Variants in PCDH9 observed in about 807,000 individuals in gnomAD.
The protein encoded by PCDH9 is protocadherin 9, also known as protocadherin-9.
Under a neutral mutation model 70.6 loss-of-function variants are expected in PCDH9, and 24 were observed. The observed-to-expected ratio is 0.34, with a 90% CI of 0.25 to 0.48. The LOEUF is 0.48. PCDH9 is among the 20% of genes least tolerant of loss of function. PCDH9 has a pLI of 0.99. For synonymous variants in PCDH9, 562 were observed against 558.5 expected (o/e 1.01, Z -0.09); for missense variants, 1,281 against 1,503.6 (o/e 0.85, Z 2.45).
At chr13:67,095,156 T>C (rs1462577150) in intron 2 of PCDH9, among the ~76,000 whole-genome samples, 1 of 152,176 alleles carries the variant, frequency 6.6e-6, no homozygotes, top group East Asian at 1.9e-4. Context: ...GGCATTAGTC[T>C]TTGGATTGTG....
In PCDH9 at chr13:67,000,583, C is replaced by CA. The variant is rs1566353749; in HGVS notation, c.3037-96979_3037-96978insT. Among the ~76,000 whole-genome samples, 418 of 150,482 alleles carry CA rather than the reference C, an allele frequency of 2.8e-3. 2 individuals carry two copies. The highest frequency in any genetic ancestry group is 9.0e-3 in the African/African-American group (369 of 41,072). On this transcript the variant is annotated intron_variant, in intron 2 of 4. Coordinates refer to ENST00000377865, the MANE Select transcript of PCDH9 (RefSeq NM_203487.3). ...GATACAAAATAAATTTACAAAAATTCGAAAAAAAGAAAAAAGTTTTTATAC... is the reference window on the plus strand; with the variant it reads ...GATACAAAATAAATTTACAAAAATTCAGAAAAAAAGAAAAAAGTTTTTATAC...
intron 4 of PCDH9, among the ~76,000 whole-genome samples, chr13:66,622,742 C>A (rs2077442260): frequency 6.6e-6 from 1 of 152,106 alleles, no homozygotes; most frequent in South Asian, 2.1e-4. Context: ...TGGGTGGGGC[C>A]AGATAAGAGA....
At chr13:66,353,699 T>G (rs984390811) in intron 4 of PCDH9, among the ~76,000 whole-genome samples, 11 of 150,330 alleles carry the variant, frequency 7.3e-5, no homozygotes, top group African/African-American at 2.4e-4. Flanking sequence ...TTTTATACAA[T>G]TTTTTTTTCA....
chr13:66,743,550 A>T lies in PCDH9; in HGVS notation c.3139-112139T>A, dbSNP rs1454066203. On this transcript the variant is annotated intron_variant, in intron 3 of 4. Transcript: ENST00000377865. The stretch of plus-strand genomic sequence containing the variant: ...AAAGGATACAAAATTTCAATTAGAC[A>T]GGAGGAATAAGGCCAAGAGATCTAT... Among the ~76,000 whole-genome samples the T allele has an allele frequency of 2.0e-5, 3 of 152,172 alleles. No homozygotes were observed. The East Asian group carries it at 5.8e-4, about 29-fold the overall frequency.
chr13:66,469,634 T>C (rs1958579689), intron 4 of PCDH9, among the ~76,000 whole-genome samples: 2 of 152,146 alleles, frequency 1.3e-5, no homozygotes, highest in South Asian at 4.1e-4. Flanking sequence ...ACAGCGTGTT[T>C]TAATTATATT....
chr13:66,407,721 A>G (rs977234403), intron 4 of PCDH9, among the ~76,000 whole-genome samples: 2 of 152,194 alleles, frequency 1.3e-5, no homozygotes, highest in African/African-American at 2.4e-5. Context: ...TATGTTGAGC[A>G]TTTAACATAA....
chr13:66,486,462 C>G (rs75465839), intron 4 of PCDH9, among the ~76,000 whole-genome samples: 5 of 129,778 alleles, frequency 3.9e-5, no homozygotes, highest in Admixed American at 8.0e-5. Flanking sequence ...GTCCCCCCCC[C>G]ACAAAAAAAT....
At chr13:66,759,548 G>C (rs1312374724) in intron 3 of PCDH9, among the ~76,000 whole-genome samples, 2 of 152,026 alleles carry the variant, frequency 1.3e-5, no homozygotes, top group Admixed American at 6.6e-5. Flanking sequence ...AGTTATTTTA[G>C]AGATCTTTTT....
At chr13:67,059,609 C>T (rs1008160389) in intron 2 of PCDH9, among the ~76,000 whole-genome samples, 15 of 151,294 alleles carry the variant, frequency 9.9e-5, no homozygotes, top group African/African-American at 2.9e-4. Context: ...CAGGCACATA[C>T]GGCTCAAGTG....
chr13:67,108,585 T>A (rs537888370), intron 2 of PCDH9, among the ~76,000 whole-genome samples: 4 of 152,338 alleles, frequency 2.6e-5, no homozygotes, highest in Admixed American at 2.6e-4. Flanking sequence ...ATCATTAGTA[T>A]TGCATGGCAT....
intron 3 of PCDH9, among the ~76,000 whole-genome samples, chr13:66,670,042 C>T (rs1178602054): frequency 6.6e-6 from 1 of 152,132 alleles, no homozygotes; most frequent in East Asian, 1.9e-4. Flanking sequence ...TATAAACTAA[C>T]TCTGATCCTC....
chr13:67,078,153 C>T (rs1469065158), intron 2 of PCDH9, among the ~76,000 whole-genome samples: 2 of 152,156 alleles, frequency 1.3e-5, no homozygotes, highest in Non-Finnish European at 2.9e-5. Context: ...TGGCCATTGT[C>T]TTCAGTGGCC....
chr13:66,413,513 C>T (rs1027504538), intron 4 of PCDH9, among the ~76,000 whole-genome samples: 5 of 151,730 alleles, frequency 3.3e-5, no homozygotes, highest in Admixed American at 6.6e-5. Context: ...GGTGAAACCC[C>T]GTCTCTACCA....
At chr13:66,878,280 G>GT (rs2081855591) in intron 3 of PCDH9, among the ~76,000 whole-genome samples, 1 of 152,032 alleles carries the variant, frequency 6.6e-6, no homozygotes, top group Admixed American at 6.6e-5. Context: ...AGGCTGGAGT[G>GT]TAGGGGCATG....
intron 4 of PCDH9, among the ~76,000 whole-genome samples, chr13:66,396,380 T>C (rs1215413816): frequency 6.6e-6 from 1 of 152,162 alleles, no homozygotes; most frequent in Non-Finnish European, 1.5e-5. Context: ...TTCTCCCGAA[T>C]AGGTGATCAA....
At chr13:66,976,038 G>A (rs560392755) in intron 2 of PCDH9, among the ~76,000 whole-genome samples, 3 of 151,910 alleles carry the variant, frequency 2.0e-5, no homozygotes, top group Non-Finnish European at 4.4e-5. Context: ...GAGAAAAATA[G>A]GGCCTTCAAG....
intron 3 of PCDH9, among the ~76,000 whole-genome samples, chr13:66,801,589 G>T (rs2080327732): frequency 6.6e-6 from 1 of 151,986 alleles, no homozygotes; most frequent in Non-Finnish European, 1.5e-5. Flanking sequence ...CATTTTATTT[G>T]GTTGAGGATT....
At chr13:66,504,146 G>C (rs1959191687) in intron 4 of PCDH9, among the ~76,000 whole-genome samples, 1 of 152,150 alleles carries the variant, frequency 6.6e-6, no homozygotes, top group African/African-American at 2.4e-5. Flanking sequence ...TCAGGTTGCT[G>C]GTAAATACCA....
intron 4 of PCDH9, among the ~76,000 whole-genome samples, chr13:66,463,752 G>A (rs1294588314): frequency 1.3e-5 from 2 of 151,630 alleles, no homozygotes; most frequent in East Asian, 1.9e-4. Flanking sequence ...TAGAAATATC[G>A]TGCTCAGACA....
Sources: gnomAD v4.1 joint callset for allele counts (sites outside exome capture counted in the v4.1 genomes callset) on GRCh38, gnomAD v4.1.1 for gene constraint, MANE v1.5 for transcripts, NCBI Gene and HGNC (gene_info 2026-07-23, HGNC 2026-07-21) for gene names.